Variants in PRDM10 observed in about 807,000 individuals in gnomAD.
PRDM10 encodes PR/SET domain 10, also known as PR domain zinc finger protein 10.
Under a neutral mutation model 133.1 loss-of-function variants are expected in PRDM10, and 65 were observed. The observed-to-expected ratio is 0.49, with a 90% confidence interval of 0.40 to 0.60. PRDM10 has a LOEUF of 0.60. PRDM10 is among the 20% of genes least tolerant of loss of function. The pLI is 0.00. For synonymous variants in PRDM10, 582 were observed against 580.4 expected, an observed-to-expected ratio of 1.00 and a Z score of -0.04; for missense variants, 1,137 against 1,507.1, an observed-to-expected ratio of 0.75 and a Z score of 4.07.
At chr11:129,902,674 T>C (rs1036006123) in intron 20 of PRDM10, among the ~76,000 whole-genome samples, 158 bp from the exon 21 acceptor site, 3 of 152,092 alleles carry the variant, frequency 2.0e-5, no homozygotes, top group Non-Finnish European at 4.4e-5. Context: ...GGTGGATCAG[T>C]CACAATAATT....
intron 4 of PRDM10, among the ~76,000 whole-genome samples, chr11:129,951,370 C>T (rs889437650): frequency 6.6e-6 from 1 of 152,096 alleles, no homozygotes; most frequent in Non-Finnish European, 1.5e-5. Flanking sequence ...TAAACGTCAC[C>T]CACGCTTTGA....
chr11:129,994,533 T>C (rs1237455326), intron 1 of PRDM10, among the ~76,000 whole-genome samples: 1 of 150,934 alleles, frequency 6.6e-6, no homozygotes, highest in East Asian at 2.0e-4. Flanking sequence ...AGCTACTCGG[T>C]TGGCTGAGAC....
At chr11:129,991,040 C>G (rs1387525241) in intron 1 of PRDM10, among the ~76,000 whole-genome samples, 1 of 152,172 alleles carries the variant, frequency 6.6e-6, no homozygotes, top group Non-Finnish European at 1.5e-5. Flanking sequence ...CTTCCATTAG[C>G]TGAGGCATTT....
chr11:129,969,062 C>A (rs1438967185), intron 1 of PRDM10, among the ~76,000 whole-genome samples: 1 of 152,190 alleles, frequency 6.6e-6, no homozygotes, highest in Non-Finnish European at 1.5e-5. Flanking sequence ...CGCTGCACAG[C>A]TAGCAAAAAC....
chr11:129,979,920 T>C (rs1938010333), intron 1 of PRDM10, among the ~76,000 whole-genome samples: 2 of 152,268 alleles, frequency 1.3e-5, no homozygotes, highest in East Asian at 1.9e-4. Flanking sequence ...CTTAGGCATA[T>C]GTCCCCTAAC....
chr11:129,899,984 CAG>C lies in PRDM10; in HGVS notation c.*2327_*2328del, dbSNP rs1228255308. The C allele has an allele frequency of 6.6e-6, 1 of 152,550 alleles. No homozygotes were observed. The highest frequency in any genetic ancestry group is 1.9e-4 in the East Asian group (1 of 5,194). The allele number at this position is 152,550 out of a possible 1,614,324, so 9.4% of individuals were successfully genotyped here. On this transcript the variant is annotated 3_prime_UTR_variant, in exon 21 of 21. Transcript: ENST00000360871. ...AAAACAATAGGTTTTTCCAGAATAA[CAG>C]GAATTTTACATGATGAAATGTCTAT...
chr11:129,903,800 G>T (rs1340312483), intron 20 of PRDM10, among the ~76,000 whole-genome samples: 1 of 152,120 alleles, frequency 6.6e-6, no homozygotes. Context: ...TGGGGAGGGG[G>T]CTGTTTCTCA....
chr11:129,954,851 T>G (rs1490275682), intron 4 of PRDM10, among the ~76,000 whole-genome samples: 1 of 151,982 alleles, frequency 6.6e-6, no homozygotes, highest in Non-Finnish European at 1.5e-5. Flanking sequence ...TTTTAAATTT[T>G]TTGCAGAGAT....
chr11:129,907,131 T>G (rs1950041474), intron 19 of PRDM10, among the ~76,000 whole-genome samples: 1 of 152,042 alleles, frequency 6.6e-6, no homozygotes, highest in South Asian at 2.1e-4. Flanking sequence ...ACACCAGCTA[T>G]GAAGTATCAG....
chr11:129,924,988 T>C lies in PRDM10; in HGVS notation c.1772A>G (p.Glu591Gly). Reference protein sequence around the residue: ...QKTYSCIFCPESFDRLDLLKD... With the variant: ...QKTYSCIFCPGSFDRLDLLKD... ...CAACAAATCAAGGCGGTCAAAGGATTCTGGGCAAAAAATGCAAGAGTAAGT... is the reference window on the plus strand; with the variant it reads ...CAACAAATCAAGGCGGTCAAAGGATCCTGGGCAAAAAATGCAAGAGTAAGT... The change falls in exon 12 of 21, where the codon GAA becomes GGA. Residue 591 changes from glutamate (E) to glycine (G), a missense_variant. Around this residue, in one of 6 missense-constraint regions of PRDM10, gnomAD observed 635 missense variants for 835.2 expected, o/e 0.76. Transcript: ENST00000360871. 1 of 1,614,154 alleles carries C rather than the reference T, an allele frequency of 6.2e-7. No individual in the cohort carries two copies. Among genetic ancestry groups the C allele is most frequent in the Non-Finnish European group, 8.5e-7 (1 of 1,180,020 alleles).
chr11:129,953,999 C>T (rs964915622), intron 4 of PRDM10, among the ~76,000 whole-genome samples: 1 of 148,294 alleles, frequency 6.7e-6, no homozygotes, highest in African/African-American at 2.5e-5. Flanking sequence ...AAGAATATAC[C>T]TAAGTATTAT....
chr11:129,917,345 A>G, intron 14 of PRDM10, 108 bp from the exon 15 acceptor site: 1 of 780,394 alleles, frequency 1.3e-6, no homozygotes. Flanking sequence ...TCTCTGAAGC[A>G]ATGCCCCCAA....
rs149863373 is a variant in PRDM10 at position 129,947,280 on chromosome 11, T to C, written c.385A>G (p.Arg129Gly). The C allele has an allele frequency of 1.9e-4, 305 of 1,614,156 alleles. 1 individual carries two copies. In the African/African-American group the frequency reaches 3.7e-3, roughly 19 times the overall value. The change falls in exon 5 of 21, where the codon AGA becomes GGA. Residue 129 changes from arginine to glycine, a missense_variant. Arg to Gly is a moderately radical substitution (Grantham distance 125). Transcript: ENST00000360871. The surrounding 1 kb of genome is among the most constrained non-coding windows in gnomAD (Gnocchi z 4.6). ...TCCTCTTCCTCTTTGGCCTCCAGTC[T>C]GCCTAGAGGGGTCTGCAGAGTTGCC... ...PLATLQTPLG[R>G]LEAKEEEDED...
intron 19 of PRDM10, among the ~76,000 whole-genome samples, chr11:129,908,278 C>T (rs992827987): frequency 6.6e-6 from 1 of 152,160 alleles, no homozygotes; most frequent in Non-Finnish European, 1.5e-5. Flanking sequence ...TTGAGATCAA[C>T]TTAGCCAACA....
At chr11:129,939,729 C>G (rs1390795425) in intron 7 of PRDM10, among the ~76,000 whole-genome samples, 1 of 152,240 alleles carries the variant, frequency 6.6e-6, no homozygotes, top group African/African-American at 2.4e-5. Flanking sequence ...CACAAGAAAT[C>G]TGAAAGCCAT....
intron 1 of PRDM10, among the ~76,000 whole-genome samples, chr11:129,979,727 G>A (rs956730878): frequency 3.9e-5 from 6 of 152,062 alleles, no homozygotes; most frequent in African/African-American, 7.2e-5. Context: ...TCCCAGCCTC[G>A]GATTCTGCCC....
chr11:129,948,458 C>T (rs73577219), intron 4 of PRDM10, among the ~76,000 whole-genome samples: 2 of 152,170 alleles, frequency 1.3e-5, no homozygotes, highest in Non-Finnish European at 2.9e-5. Context: ...TGCCTCCAGC[C>T]CTCCCTGAGT....
intron 1 of PRDM10, among the ~76,000 whole-genome samples, chr11:129,986,971 TC>T (rs1938468788): frequency 1.3e-5 from 2 of 152,226 alleles, no homozygotes; most frequent in African/African-American, 4.8e-5. Context: ...TTATTAATTC[TC>T]CCTATCAATT....
rs1591714486 is a variant in PRDM10 at position 129,999,990 on chromosome 11, A to C, written c.-119+2732T>G. On this transcript the variant is annotated intron_variant, in intron 1 of 20. Coordinates refer to ENST00000360871, the MANE Select transcript of PRDM10 (RefSeq NM_199437.2). ...ACTTGAAATACACCAAAGTATCAGC[A>C]AAGATTATCTCTGGGTAATTATGGG... Among the ~76,000 whole-genome samples, 3 of 152,256 alleles carry C rather than the reference A, an allele frequency of 2.0e-5. 1 individual carries two copies. The highest frequency in any genetic ancestry group is 2.0e-4 in the Admixed American group (3 of 15,300).
Sources: allele counts gnomAD v4.1 joint callset (sites outside exome capture counted in the v4.1 genomes callset), GRCh38; gene constraint gnomAD v4.1.1; regional missense constraint gnomAD v4.1.1; non-coding constraint Gnocchi (gnomAD v3.1); transcripts MANE v1.5; gene names NCBI Gene and HGNC (gene_info 2026-07-23, HGNC 2026-07-21).